ARNT2: variants seen among roughly 807,000 people sequenced by gnomAD.
ARNT2 encodes the protein aryl hydrocarbon receptor nuclear translocator 2.
In ARNT2, 36 loss-of-function variants were observed where a neutral mutation model predicts 91.7. That is an observed-to-expected ratio of 0.39 (90% CI 0.30 to 0.52). The LOEUF (loss-of-function observed/expected upper bound fraction) is 0.52. Among genes scored for constraint, ARNT2 ranks in the 20% least tolerant of loss-of-function variants. ARNT2 has a pLI of 0.72. For synonymous variants in ARNT2, 365 were observed against 347.1 expected (o/e 1.05, Z -0.57); for missense variants, 775 against 939.3 (o/e 0.83, Z 2.29).
At position 80,475,165 on chromosome 15, in the gene ARNT2, T is replaced by C. The variant is rs751070109; in HGVS notation, c.564T>C (p.His188=). 2 of 1,614,154 alleles carry C rather than the reference T, an allele frequency of 1.2e-6. No individual in the cohort carries two copies. Among genetic ancestry groups the C allele is most frequent in the South Asian group, 2.2e-5 (2 of 91,080 alleles). The change falls in exon 5 of 19, where the codon CAT becomes CAC. Residue 188 remains histidine, a synonymous_variant. Transcript: ENST00000303329. ...GGAGCACACTGTATGAACAGGTGCATCCTGATGACGTGGAGAAGCTGAGAG... is the reference window on the plus strand; with the variant it reads ...GGAGCACACTGTATGAACAGGTGCACCCTGATGACGTGGAGAAGCTGAGAG... ...WFGSTLYEQV[H]PDDVEKLREQ...
chr15:80,536,412 G>A (rs181518000), intron 8 of ARNT2, among the ~76,000 whole-genome samples: 1 of 152,282 alleles, frequency 6.6e-6, no homozygotes, highest in Non-Finnish European at 1.5e-5. Flanking sequence ...TACTTGGCCA[G>A]TGCGATGTTG....
chr15:80,529,890 G>T (rs1897707076), intron 8 of ARNT2, among the ~76,000 whole-genome samples: 1 of 152,204 alleles, frequency 6.6e-6, no homozygotes, highest in Non-Finnish European at 1.5e-5. Context: ...AATTTGACAA[G>T]TACACATTTC....
At chr15:80,411,817 A>C (rs1188004556) in intron 1 of ARNT2, among the ~76,000 whole-genome samples, 1 of 152,208 alleles carries the variant, frequency 6.6e-6, no homozygotes, top group Non-Finnish European at 1.5e-5. Flanking sequence ...AAAGCTCATC[A>C]TTCTTCCCAG....
intron 12 of ARNT2, among the ~76,000 whole-genome samples, chr15:80,566,644 G>A (rs188484613): frequency 8.5e-5 from 13 of 152,320 alleles, no homozygotes; most frequent in Admixed American, 2.6e-4. Flanking sequence ...GCACCTTACA[G>A]CCTGGCTTTG....
intron 8 of ARNT2, among the ~76,000 whole-genome samples, chr15:80,545,678 C>T (rs1192548245): frequency 6.6e-6 from 1 of 152,148 alleles, no homozygotes; most frequent in Non-Finnish European, 1.5e-5. Context: ...TAACAGAAGA[C>T]AACTCTAGAT....
At chr15:80,578,609 G>A (rs1002089565) in intron 15 of ARNT2, among the ~76,000 whole-genome samples, 3 of 151,780 alleles carry the variant, frequency 2.0e-5, no homozygotes, top group Middle Eastern at 3.4e-3. Context: ...CCTGGGTAAC[G>A]CTGTTGTCAT....
chr15:80,456,277 C>CT (rs5814025), intron 2 of ARNT2, among the ~76,000 whole-genome samples: 17 of 150,154 alleles, frequency 1.1e-4, no homozygotes, highest in Admixed American at 2.6e-4. Context: ...TTTAACTGTA[C>CT]TTTTTTTTTT....
At chr15:80,415,026 A>C (rs1250269810) in intron 1 of ARNT2, among the ~76,000 whole-genome samples, 1 of 152,228 alleles carries the variant, frequency 6.6e-6, no homozygotes, top group African/African-American at 2.4e-5. Flanking sequence ...ACAGAGGAGA[A>C]TGTAGACCCC....
intron 1 of ARNT2, among the ~76,000 whole-genome samples, chr15:80,429,665 G>A (rs912025825): frequency 4.6e-5 from 7 of 152,236 alleles, no homozygotes; most frequent in African/African-American, 9.6e-5. Flanking sequence ...AGGCTCGGAC[G>A]TGTGATTGGC....
At chr15:80,447,165 C>CA (rs1896318457) in intron 1 of ARNT2, among the ~76,000 whole-genome samples, 5 of 152,138 alleles carry the variant, frequency 3.3e-5, no homozygotes, top group Admixed American at 3.3e-4. Flanking sequence ...CACACACACC[C>CA]TTCCTCTCAT....
intron 3 of ARNT2, among the ~76,000 whole-genome samples, chr15:80,469,182 C>T (rs1367299813): frequency 2.0e-5 from 3 of 152,136 alleles, no homozygotes; most frequent in African/African-American, 7.2e-5. Flanking sequence ...GGCTGTGACT[C>T]CTTCAAGCCT....
chr15:80,579,232 A>G (rs1898746428), intron 15 of ARNT2, among the ~76,000 whole-genome samples: 1 of 152,192 alleles, frequency 6.6e-6, no homozygotes. Flanking sequence ...CCTACTAGAC[A>G]ATAGTGACCA....
intron 2 of ARNT2, among the ~76,000 whole-genome samples, chr15:80,451,533 G>A (rs1896390716): frequency 6.6e-6 from 1 of 152,184 alleles, no homozygotes; most frequent in Non-Finnish European, 1.5e-5. Flanking sequence ...TGTTCTGATA[G>A]GGCCAGAAAT....
chr15:80,493,826 A>T (rs959655409), intron 5 of ARNT2, among the ~76,000 whole-genome samples: 5 of 152,146 alleles, frequency 3.3e-5, no homozygotes, highest in African/African-American at 9.7e-5. Context: ...AGATATTCGG[A>T]TCATGAGGGC....
intron 10 of ARNT2, among the ~76,000 whole-genome samples, chr15:80,553,025 A>G (rs902214817): frequency 1.3e-5 from 2 of 152,186 alleles, no homozygotes; most frequent in Non-Finnish European, 2.9e-5. Flanking sequence ...TTTTTCACAA[A>G]CTGGAATTAA....
chr15:80,570,322 G>A, intron 12 of ARNT2, among the ~76,000 whole-genome samples: 1 of 152,134 alleles, frequency 6.6e-6, no homozygotes, highest in East Asian at 1.9e-4. Context: ...TTCCTCATAT[G>A]TCTCAGTTGC....
chr15:80,580,439 A>G lies in ARNT2; in HGVS notation c.1642A>G (p.Asn548Asp). 1 of 1,614,124 alleles carries G rather than the reference A, an allele frequency of 6.2e-7. No individual in the cohort carries two copies. ...TTCAGTGGTTCATGTGCCTGGAGTG[A>G]ATGATATTCAGTCCTCTTCTTCCAC... The part of the protein sequence containing the change: ...SSSVVHVPGV[N>D]DIQSSSSTGQ... Residue 548 changes from asparagine to aspartate, a missense_variant, in exon 16 of 19, where the codon AAT (asparagine) becomes GAT (aspartate). Physicochemically the swap from Asn to Asp is conservative, Grantham distance 23. Transcript: ENST00000303329.
At position 80,597,133 on chromosome 15, in the gene ARNT2, T is replaced by G. The variant is rs1157632633; in HGVS notation, c.*3435T>G. The G allele has an allele frequency of 3.9e-6, 2 of 518,684 alleles. No individual in the cohort carries two copies. The highest frequency in any genetic ancestry group is 5.4e-5 in the East Asian group (1 of 18,356). The allele number at this position is 518,684 out of a possible 1,614,324, so 32.1% of individuals were successfully genotyped here. Reference sequence around the variant, plus strand: ...ACAATGTGACTACATGTTCTCCAGATTAGCCACACATGCAAACATCAGTGT... The same window carrying G: ...ACAATGTGACTACATGTTCTCCAGAGTAGCCACACATGCAAACATCAGTGT... On this transcript the variant is annotated 3_prime_UTR_variant, in exon 19 of 19. Coordinates refer to ENST00000303329, the MANE Select transcript of ARNT2 (RefSeq NM_014862.4).
Position 80,509,397 on chromosome 15 carries a change from G to T in ARNT2, c.725+1139G>T, listed in dbSNP as rs1010249980. Among the ~76,000 whole-genome samples, 3 of 151,904 alleles carry T rather than the reference G, an allele frequency of 2.0e-5. No individual in the cohort carries two copies. In the East Asian group the frequency reaches 5.8e-4, roughly 29 times the overall value. On this transcript the variant is annotated intron_variant, in intron 6 of 18. Transcript: ENST00000303329. ...GCGGAGGTTGCAGAGAGCTGAGATC[G>T]CGCCACTGCACCCCAGCCTGGGTAA...
Sources: allele counts gnomAD v4.1 joint callset (sites outside exome capture counted in the v4.1 genomes callset), GRCh38; gene constraint gnomAD v4.1.1; transcripts MANE v1.5; gene names NCBI Gene and HGNC (gene_info 2026-07-23, HGNC 2026-07-21).